Variants in NF1 observed in about 807,000 individuals in gnomAD.
NF1 encodes neurofibromin.
Under a neutral mutation model 325.7 loss-of-function variants are expected in NF1, and 122 were observed. The observed-to-expected ratio is 0.37, with a 90% CI of 0.32 to 0.44. The LOEUF is 0.44. Ranked by LOEUF, NF1 falls within the 20% of genes least tolerant of loss-of-function variation. The pLI is 1.00. For synonymous variants in NF1, 1,091 were observed against 1,186.0 expected (o/e 0.92, Z 1.65); for missense variants, 2,140 against 3,415.4 (o/e 0.63, Z 9.31).
In NF1 at chr17:31,156,029, C is replaced by G. The variant is rs199966218; in HGVS notation, c.107C>G (p.Thr36Ser). 1.5e-4 allele frequency: 239 copies of G among 1,612,962 alleles called. No individual in the cohort carries two copies. The highest frequency in any genetic ancestry group is 1.7e-4 in the Middle Eastern group (1 of 6,058). ...CAGAACACACATACCAAAGTCAGTA[C>G]TGAGCACAACAAGGAATGTCTAATC... Reference protein sequence around the residue: ...GQQNTHTKVSTEHNKECLINI... With the variant: ...GQQNTHTKVSSEHNKECLINI... Residue 36 changes from threonine (T) to serine (S), a missense_variant, in exon 2 of 58, where the codon ACT becomes AGT. Physicochemically the swap from Thr to Ser is moderately conservative, Grantham distance 58. Transcript: ENST00000358273.
At chr17:31,271,437 A>AT (rs1451140828) in intron 36 of NF1, among the ~76,000 whole-genome samples, 1 of 152,122 alleles carries the variant, frequency 6.6e-6, no homozygotes, top group Non-Finnish European at 1.5e-5. Context: ...TCAGATTAGC[A>AT]TTTTTTGTCT....
intron 1 of NF1, among the ~76,000 whole-genome samples, chr17:31,096,413 G>T (rs761076680): frequency 5.3e-5 from 8 of 152,170 alleles, no homozygotes; most frequent in Admixed American, 1.3e-4. Context: ...TTTATCGCCT[G>T]AGTTTCACAC....
chr17:31,288,522 GTTT>G (rs200926157), intron 36 of NF1, among the ~76,000 whole-genome samples: 1,239 of 119,370 alleles, frequency 0.01, 13 homozygotes, highest in African/African-American at 0.032. Context: ...TTTTTGCTTT[GTTT>G]TTTTTTTTTT....
chr17:31,208,672 C>G (rs185415256), intron 12 of NF1, among the ~76,000 whole-genome samples: 2 of 152,242 alleles, frequency 1.3e-5, no homozygotes, highest in Admixed American at 1.3e-4. Context: ...GTGCGGATCA[C>G]CTGAGGTCAG....
At chr17:31,194,494 A>G (rs949740846) in intron 8 of NF1, among the ~76,000 whole-genome samples, 25 of 152,162 alleles carry the variant, frequency 1.6e-4, no homozygotes, top group Non-Finnish European at 3.2e-4. Context: ...GCTGTAATTA[A>G]CAATATGTTA....
chr17:31,188,109 C>T (rs544926069), intron 8 of NF1, among the ~76,000 whole-genome samples: 6 of 152,166 alleles, frequency 3.9e-5, no homozygotes, highest in Non-Finnish European at 8.8e-5. Flanking sequence ...CTACAAATGA[C>T]CCAGACCCTT....
chr17:31,168,741 A>G (rs776538946), intron 4 of NF1, among the ~76,000 whole-genome samples: 10 of 152,126 alleles, frequency 6.6e-5, no homozygotes, highest in Non-Finnish European at 8.8e-5. Context: ...ATGATCAGTG[A>G]TTGGATTTCG....
chr17:31,229,502 A>G (rs1347064720), intron 21 of NF1, 37 bp downstream of exon 21: 3 of 1,586,016 alleles, frequency 1.9e-6, no homozygotes, highest in East Asian at 2.2e-5. Context: ...TTCTCTATGA[A>G]TAGAGTGACT....
chr17:31,096,349 T>A (rs1380295040), intron 1 of NF1, among the ~76,000 whole-genome samples: 1 of 152,124 alleles, frequency 6.6e-6, no homozygotes, highest in Admixed American at 6.5e-5. Flanking sequence ...AAGAGAACTT[T>A]CATTGAGAAT....
intron 37 of NF1, 66 bp downstream of exon 37, chr17:31,326,318 G>A (rs1199279722): frequency 1.3e-6 from 2 of 1,490,090 alleles, no homozygotes; most frequent in African/African-American, 2.8e-5. Context: ...CTATATCCTG[G>A]CCTCCCTAGG....
intron 3 of NF1, among the ~76,000 whole-genome samples, chr17:31,161,580 G>T (rs961720008): frequency 4.6e-5 from 7 of 152,200 alleles, no homozygotes; most frequent in Non-Finnish European, 7.3e-5. Context: ...TATTTACAAA[G>T]TAGAGATTTC....
chr17:31,208,626 A>G (rs1434314974), intron 12 of NF1, among the ~76,000 whole-genome samples: 1 of 152,108 alleles, frequency 6.6e-6, no homozygotes, highest in Non-Finnish European at 1.5e-5. Context: ...CACGGTGGCT[A>G]ACGTCTGTAA....
intron 12 of NF1, among the ~76,000 whole-genome samples, chr17:31,207,881 T>C (rs1314484415): frequency 6.6e-6 from 1 of 152,206 alleles, no homozygotes; most frequent in Non-Finnish European, 1.5e-5. Context: ...GGTAGAAAGT[T>C]AATGACCTCC....
intron 36 of NF1, chr17:31,304,482 A>T: frequency 6.2e-7 from 1 of 1,614,166 alleles, no homozygotes; most frequent in Non-Finnish European, 8.5e-7. Flanking sequence ...GACAGTCCAG[A>T]GATGGAGGGA....
At position 31,377,403 on chromosome 17, in the gene NF1, G is replaced by A. The variant is rs527971565; in HGVS notation, c.*3248G>A. 27 of 233,400 alleles carry A rather than the reference G, an allele frequency of 1.2e-4. No homozygotes were observed. Among genetic ancestry groups the A allele is most frequent in the Middle Eastern group, 1.3e-3 (1 of 784 alleles). 14.5% of individuals were successfully genotyped at this position (233,400 alleles called of 1,614,324 possible). On this transcript the variant is annotated 3_prime_UTR_variant, in exon 58 of 58. Transcript: ENST00000358273. ...TTACATCATTTAAAGAAAATGCTGTGTATTGTAAACTTAAATTGTATATGA... is the reference window on the plus strand; with the variant it reads ...TTACATCATTTAAAGAAAATGCTGTATATTGTAAACTTAAATTGTATATGA...
chr17:31,255,512 T>C (rs1297224404), intron 31 of NF1, among the ~76,000 whole-genome samples: 7 of 152,322 alleles, frequency 4.6e-5, no homozygotes, highest in African/African-American at 9.6e-5. Flanking sequence ...TCCAAAATTA[T>C]ATTGATTCTG....
intron 36 of NF1, among the ~76,000 whole-genome samples, chr17:31,293,824 T>A (rs2068402987): frequency 6.6e-6 from 1 of 152,210 alleles, no homozygotes; most frequent in Admixed American, 6.5e-5. Context: ...TTTCAGGACT[T>A]CTTTTGCTGC....
chr17:31,143,213 A>C (rs1300459523), intron 1 of NF1, among the ~76,000 whole-genome samples: 2 of 151,996 alleles, frequency 1.3e-5, no homozygotes, highest in Non-Finnish European at 2.9e-5. Flanking sequence ...ATTTGTCCTA[A>C]TAGCTTTATG....
intron 1 of NF1, chr17:31,138,622 C>T (rs2143514437): frequency 6.7e-6 from 1 of 149,966 alleles, no homozygotes; most frequent in African/African-American, 2.5e-5. Flanking sequence ...GAGTCAGCGT[C>T]TCGCTCTGTT....
Sources: gnomAD v4.1 joint callset for allele counts (sites outside exome capture counted in the v4.1 genomes callset) on GRCh38, gnomAD v4.1.1 for gene constraint, MANE v1.5 for transcripts, NCBI Gene and HGNC (gene_info 2026-07-23, HGNC 2026-07-21) for gene names.